Variants in ATG7 observed in about 807,000 individuals in gnomAD.
The protein encoded by ATG7 is autophagy related 7, also known as ubiquitin-like modifier-activating enzyme ATG7.
A neutral mutation model predicts 82.4 loss-of-function variants in ATG7; 70 were observed. That is an observed-to-expected ratio of 0.85 (90% CI 0.70 to 1.04). The LOEUF is 1.04. Among genes scored for constraint, ATG7 ranks in the 50% least tolerant of loss-of-function variants. The pLI is 0.00. For missense variants in ATG7, 792 were observed against 864.3 expected (o/e 0.92, Z 1.05); for synonymous variants, 287 against 313.0 (o/e 0.92, Z 0.88).
Position 11,411,619 on chromosome 3 carries a change from C to CAAAAAAAAAAAAA in ATG7, c.1957-15168_1957-15156dup, listed in dbSNP as rs71055868. Among the ~76,000 whole-genome samples, 71 of 71,748 alleles carry CAAAAAAAAAAAAA rather than the reference C, an allele frequency of 9.9e-4. 3 individuals are homozygous for CAAAAAAAAAAAAA. Among genetic ancestry groups the CAAAAAAAAAAAAA allele is most frequent in the African/African-American group, 1.7e-3 (38 of 21,792 alleles). The allele number at this position is 71,748 out of a possible 152,430, so 47.1% of individuals were successfully genotyped here. On this transcript the variant is annotated intron_variant, in intron 19 of 20. Transcript: ENST00000693202. ...TGGTGACACAGCAAGACTCTGTCTC[C>CAAAAAAAAAAAAA]AAAAAAAAAAAAAAAAAAAAAAAAA...
At chr3:11,379,921 A>T in intron 18 of ATG7, 51 bp from the exon 19 acceptor site, 1 of 1,554,882 alleles carries the variant, frequency 6.4e-7, no homozygotes, top group South Asian at 1.1e-5. Context: ...CATTTCATAG[A>T]TGTGGTCGTT....
intron 20 of ATG7, among the ~76,000 whole-genome samples, chr3:11,443,054 T>C (rs2084156706): frequency 6.6e-6 from 1 of 152,170 alleles, no homozygotes; most frequent in African/African-American, 2.4e-5. Context: ...GATTAAAACA[T>C]CATTTAGAAA....
chr3:11,530,405 G>A (rs1307216299), intron 20 of ATG7, among the ~76,000 whole-genome samples: 2 of 152,014 alleles, frequency 1.3e-5, no homozygotes, highest in African/African-American at 4.8e-5. Context: ...CCTGAGCTTG[G>A]GTACAGGAGT....
At chr3:11,479,772 G>T (rs2088704146) in intron 20 of ATG7, among the ~76,000 whole-genome samples, 1 of 152,120 alleles carries the variant, frequency 6.6e-6, no homozygotes, top group Non-Finnish European at 1.5e-5. Flanking sequence ...TCCCTCGGTT[G>T]GTTTTTAATA....
chr3:11,320,951 A>G (rs916052548), intron 9 of ATG7, among the ~76,000 whole-genome samples: 1 of 152,206 alleles, frequency 6.6e-6, no homozygotes, highest in African/African-American at 2.4e-5. Flanking sequence ...GTACACCTCA[A>G]TTTATGTCTA....
chr3:11,547,985 G>C (rs1254545228), intron 20 of ATG7, among the ~76,000 whole-genome samples: 1 of 152,030 alleles, frequency 6.6e-6, no homozygotes, highest in Non-Finnish European at 1.5e-5. Context: ...GGGACTATAG[G>C]TGTGCACCAC....
At chr3:11,575,103 G>A in the ATG7 span, among the ~76,000 whole-genome samples, 1 of 152,194 alleles carries the variant, frequency 6.6e-6, no homozygotes, top group Non-Finnish European at 1.5e-5. Context: ...AGTGGATTGA[G>A]AGGTGGAGGG....
At chr3:11,490,031 T>A (rs1268820106) in intron 20 of ATG7, among the ~76,000 whole-genome samples, 8 of 152,102 alleles carry the variant, frequency 5.3e-5, no homozygotes, top group Non-Finnish European at 1.2e-4. Context: ...CTGGGTATCC[T>A]TGTTAACTTT....
chr3:11,400,367 A>G lies in ATG7; in HGVS notation c.1956+20315A>G, dbSNP rs149322323. On this transcript the variant is annotated intron_variant, in intron 19 of 20. Coordinates refer to ENST00000693202, the MANE Select transcript of ATG7 (RefSeq NM_001349232.2). ...GTACCCAGATAATAGGGGTAGGCCAATAAATCAATGAGCAGAGAAGGACTA... is the reference window on the plus strand; with the variant it reads ...GTACCCAGATAATAGGGGTAGGCCAGTAAATCAATGAGCAGAGAAGGACTA... Among the ~76,000 whole-genome samples, 4 of 145,778 alleles carry G rather than the reference A, an allele frequency of 2.7e-5. No homozygotes were observed. In the East Asian group the frequency reaches 8.1e-4, roughly 30 times the overall value.
At chr3:11,294,546 A>G (rs1379171502) in intron 3 of ATG7, among the ~76,000 whole-genome samples, 2 of 152,170 alleles carry the variant, frequency 1.3e-5, no homozygotes, top group South Asian at 4.1e-4. Flanking sequence ...TCCATTGGGC[A>G]AAATTATAAA....
chr3:11,277,213 C>G (rs776503939), intron 1 of ATG7: 1 of 152,440 alleles, frequency 6.6e-6, no homozygotes, highest in South Asian at 2.1e-4. Flanking sequence ...GTTGCCCTGC[C>G]TCAGCAGTCT....
intron 15 of ATG7, among the ~76,000 whole-genome samples, chr3:11,359,273 G>C (rs1164411231): frequency 6.6e-6 from 1 of 152,060 alleles, no homozygotes; most frequent in African/African-American, 2.4e-5. Context: ...TTGAGCTGCG[G>C]GTTGTGAGTG....
At chr3:11,484,520 C>G (rs973797724) in intron 20 of ATG7, among the ~76,000 whole-genome samples, 2 of 152,186 alleles carry the variant, frequency 1.3e-5, no homozygotes, top group South Asian at 2.1e-4. Context: ...CTAGCAGATT[C>G]TTGGTGATCC....
chr3:11,306,893 C>A, intron 5 of ATG7, 50 bp from the exon 6 acceptor site: 1 of 1,475,098 alleles, frequency 6.8e-7, no homozygotes, highest in Non-Finnish European at 9.5e-7. Flanking sequence ...TTGTCTCTCC[C>A]TGGCTGAGTC....
intron 20 of ATG7, among the ~76,000 whole-genome samples, chr3:11,476,538 TG>T (rs572822207): frequency 3.9e-4 from 60 of 152,026 alleles, no homozygotes; most frequent in African/African-American, 1.4e-3. Flanking sequence ...GATAGAGTCC[TG>T]GCCTGAAAAG....
intron 20 of ATG7, among the ~76,000 whole-genome samples, 165 bp downstream of exon 20, chr3:11,427,091 A>G (rs1432587728): frequency 6.6e-6 from 1 of 152,244 alleles, no homozygotes; most frequent in Non-Finnish European, 1.5e-5. Context: ...ACCCTCAGCA[A>G]GTGCTGGATA....
chr3:11,368,554 G>A (rs1200355179), intron 18 of ATG7, among the ~76,000 whole-genome samples: 2 of 152,086 alleles, frequency 1.3e-5, no homozygotes, highest in African/African-American at 4.8e-5. Context: ...CACTTTGGGA[G>A]GCTGAGGTGG....
intron 20 of ATG7, among the ~76,000 whole-genome samples, chr3:11,490,186 G>A (rs1235569048): frequency 6.6e-6 from 1 of 152,156 alleles, no homozygotes; most frequent in African/African-American, 2.4e-5. Flanking sequence ...ATATATTTAC[G>A]ATAGTTAGCT....
At chr3:11,294,396 T>A (rs1320976379) in intron 3 of ATG7, among the ~76,000 whole-genome samples, 1 of 151,680 alleles carries the variant, frequency 6.6e-6, no homozygotes, top group African/African-American at 2.4e-5. Flanking sequence ...AATTTTTTTT[T>A]ATTTTTAGTA....
Sources: gnomAD v4.1 joint callset for allele counts (sites outside exome capture counted in the v4.1 genomes callset) on GRCh38, gnomAD v4.1.1 for gene constraint, MANE v1.5 for transcripts, NCBI Gene and HGNC (gene_info 2026-07-23, HGNC 2026-07-21) for gene names.